Variants in AKT3 observed in about 807,000 individuals in gnomAD.
AKT3 encodes the protein AKT serine/threonine kinase 3.
A neutral mutation model predicts 65.3 loss-of-function variants in AKT3; 15 were observed. That is an observed-to-expected ratio of 0.23 (90% confidence interval 0.15 to 0.35). The LOEUF is 0.35. AKT3 is among the 10% of genes least tolerant of loss of function. The pLI is 1.00. For missense variants in AKT3, 243 were observed against 576.5 expected (o/e 0.42, Z 5.92); for synonymous variants, 206 against 183.8 (o/e 1.12, Z -0.98).
At chr1:243,662,983 G>T (rs1682485295) in intron 4 of AKT3, among the ~76,000 whole-genome samples, 1 of 152,156 alleles carries the variant, frequency 6.6e-6, no homozygotes, top group South Asian at 2.1e-4. Context: ...ATGGCAAAAT[G>T]AATTGTGCTT....
intron 2 of AKT3, among the ~76,000 whole-genome samples, chr1:243,765,654 T>A (rs1238469950): frequency 6.6e-6 from 1 of 152,200 alleles, no homozygotes; most frequent in South Asian, 2.1e-4. Context: ...CAATAAAGTT[T>A]GAACTGGCTT....
At chr1:243,551,408 A>G (rs1330624199) in intron 11 of AKT3, among the ~76,000 whole-genome samples, 3 of 152,218 alleles carry the variant, frequency 2.0e-5, no homozygotes, top group African/African-American at 7.2e-5. Flanking sequence ...GTCTTCACAA[A>G]GCAGAAAGAC....
chr1:243,694,735 T>C (rs922889812), intron 3 of AKT3, among the ~76,000 whole-genome samples: 1 of 151,992 alleles, frequency 6.6e-6, no homozygotes, highest in Non-Finnish European at 1.5e-5. Flanking sequence ...CAAAGACTTA[T>C]TTTCTTGAAT....
At chr1:243,641,584 T>A (rs1321892298) in intron 5 of AKT3, among the ~76,000 whole-genome samples, 1 of 152,102 alleles carries the variant, frequency 6.6e-6, no homozygotes, top group Non-Finnish European at 1.5e-5. Context: ...CTTTATGACA[T>A]TTTCAGTTGA....
intron 9 of AKT3, among the ~76,000 whole-genome samples, chr1:243,568,361 G>A (rs2148497657): frequency 6.6e-6 from 1 of 151,712 alleles, no homozygotes; most frequent in Non-Finnish European, 1.5e-5. Flanking sequence ...AAACAAGATT[G>A]TATATTAAAA....
At position 243,609,252 on chromosome 1, in the gene AKT3, TAA is replaced by T. The variant is rs201067292; in HGVS notation, c.696+4417_696+4418del. 3.5e-5 allele frequency among the ~76,000 whole-genome samples: 5 copies of T among 143,146 alleles called. No homozygotes were observed. The East Asian group carries it at 1.0e-3, about 29-fold the overall frequency. 93.9% of individuals were successfully genotyped at this position (143,146 alleles called of 152,430 possible). On this transcript the variant is annotated intron_variant, in intron 8 of 13. Transcript: ENST00000673466. Reference sequence around the variant, plus strand: ...CTATTTTAAAATACATCTGATAATCTAAAAAAAAAAAAATTGTGAGGTTAAAT... The same window carrying T: ...CTATTTTAAAATACATCTGATAATCTAAAAAAAAAAATTGTGAGGTTAAAT...
intron 8 of AKT3, among the ~76,000 whole-genome samples, chr1:243,573,778 C>T (rs1674730318): frequency 6.6e-6 from 1 of 152,140 alleles, no homozygotes; most frequent in East Asian, 1.9e-4. Flanking sequence ...TCCTAGTCAA[C>T]CTCTTAAAAC....
intron 8 of AKT3, among the ~76,000 whole-genome samples, chr1:243,601,238 A>G (rs1676978028): frequency 1.3e-5 from 2 of 152,116 alleles, no homozygotes; most frequent in South Asian, 4.1e-4. Context: ...AATAAATCTG[A>G]CAACTCAATA....
chr1:243,691,772 G>T (rs1022059259), intron 3 of AKT3, among the ~76,000 whole-genome samples: 3 of 152,186 alleles, frequency 2.0e-5, no homozygotes, highest in African/African-American at 7.2e-5. Flanking sequence ...GCAGCCAATT[G>T]AACAGAGTAA....
intron 12 of AKT3, among the ~76,000 whole-genome samples, chr1:243,532,455 T>C (rs1174622171): frequency 6.6e-6 from 1 of 152,212 alleles, no homozygotes; most frequent in African/African-American, 2.4e-5. Flanking sequence ...TGTGGGACAT[T>C]ACACTGATTA....
At chr1:243,499,380 C>T (rs1389121914), downstream of AKT3, among the ~76,000 whole-genome samples, 1 of 152,196 alleles carries the variant, frequency 6.6e-6, no homozygotes, top group East Asian at 1.9e-4. Flanking sequence ...CTAGAATTAC[C>T]TGCCGTTAAG....
intron 9 of AKT3, among the ~76,000 whole-genome samples, chr1:243,565,290 G>A (rs1009028576): frequency 6.6e-6 from 1 of 152,172 alleles, no homozygotes; most frequent in African/African-American, 2.4e-5. Flanking sequence ...GGAGTGCAGT[G>A]GTGCAATCAC....
At chr1:243,603,179 C>G (rs1298456081) in intron 8 of AKT3, among the ~76,000 whole-genome samples, 1 of 152,158 alleles carries the variant, frequency 6.6e-6, no homozygotes, top group Non-Finnish European at 1.5e-5. Context: ...TCTACAAATG[C>G]CCCACTGAAA....
intron 2 of AKT3, among the ~76,000 whole-genome samples, chr1:243,749,465 A>G (rs1688672452): frequency 6.6e-6 from 1 of 152,156 alleles, no homozygotes; most frequent in Non-Finnish European, 1.5e-5. Flanking sequence ...TTAAACGTGA[A>G]TAACTTCAAC....
chr1:243,574,138 G>A (rs1341851025), intron 8 of AKT3, among the ~76,000 whole-genome samples: 1 of 152,056 alleles, frequency 6.6e-6, no homozygotes, highest in Non-Finnish European at 1.5e-5. Flanking sequence ...GACTCATAAT[G>A]TTTCTACAAA....
chr1:243,664,404 C>G (rs980707199), intron 4 of AKT3, among the ~76,000 whole-genome samples: 2 of 151,424 alleles, frequency 1.3e-5, no homozygotes, highest in African/African-American at 2.4e-5. Context: ...CAGGGTTTCA[C>G]CTTGTCAGCC....
chr1:243,602,254 T>C (rs779697250), intron 8 of AKT3, among the ~76,000 whole-genome samples: 17 of 152,306 alleles, frequency 1.1e-4, no homozygotes, highest in Non-Finnish European at 1.8e-4. Flanking sequence ...GCTTCCCGAC[T>C]TTACATTGCC....
intron 2 of AKT3, among the ~76,000 whole-genome samples, chr1:243,789,942 T>C (rs1691510598): frequency 6.6e-6 from 1 of 152,218 alleles, no homozygotes; most frequent in Non-Finnish European, 1.5e-5. Flanking sequence ...TTCTGAGCAG[T>C]AGGTCTCCAC....
chr1:243,794,414 T>G (rs1691823930), intron 2 of AKT3: 1 of 152,280 alleles, frequency 6.6e-6, no homozygotes, highest in South Asian at 2.1e-4. Context: ...TAATTGCTAA[T>G]GAAACATATT....
Sources: gnomAD v4.1 joint callset for allele counts (sites outside exome capture counted in the v4.1 genomes callset) on GRCh38, gnomAD v4.1.1 for gene constraint, MANE v1.5 for transcripts, NCBI Gene and HGNC (gene_info 2026-07-23, HGNC 2026-07-21) for gene names.